Variants in SCML2 observed in about 807,000 individuals in gnomAD.
SCML2 encodes the protein sex comb on midleg-like protein 2.
SCML2 carries 6 observed loss-of-function variants against 48.4 expected under a neutral mutation model. That is an observed-to-expected ratio of 0.12 (90% confidence interval 0.07 to 0.24). The LOEUF is 0.24. Among genes scored for constraint, SCML2 ranks in the 10% least tolerant of loss-of-function variants. SCML2 has a pLI of 1.00. For missense variants in SCML2, 377 were observed against 528.2 expected, an observed-to-expected ratio of 0.71 and a Z score of 2.81; for synonymous variants, 181 against 189.5, an observed-to-expected ratio of 0.95 and a Z score of 0.37.
intron 7 of SCML2, among the ~76,000 whole-genome samples, chrX:18,275,382 C>A (rs755805081): frequency 8.9e-6 from 1 of 112,839 alleles, no homozygotes; most frequent in South Asian, 3.6e-4. Context: ...AACTATTACA[C>A]ATTCTTTGAA....
chrX:18,323,725 A>G (rs1230641198), intron 5 of SCML2, 134 bp downstream of exon 5: 1 of 491,861 alleles, frequency 2.0e-6, no homozygotes, highest in Non-Finnish European at 3.5e-6. Context: ...CTCATCATAC[A>G]TTCTCCACAG....
At chrX:18,316,517 T>C (rs780947253) in intron 6 of SCML2, among the ~76,000 whole-genome samples, 1 of 112,469 alleles carries the variant, frequency 8.9e-6, no homozygotes, top group Non-Finnish European at 1.9e-5. Context: ...AACAATGGGA[T>C]ACCATCCTCA....
intron 8 of SCML2, among the ~76,000 whole-genome samples, chrX:18,264,728 T>C (rs1388704486): frequency 2.7e-5 from 3 of 111,707 alleles, no homozygotes; most frequent in African/African-American, 9.8e-5. Flanking sequence ...AGTAATTACC[T>C]TGGCTGGACT....
At chrX:18,310,000 A>G (rs943650382) in intron 6 of SCML2, among the ~76,000 whole-genome samples, 1 of 111,894 alleles carries the variant, frequency 8.9e-6, no homozygotes, top group African/African-American at 3.3e-5. Context: ...ATATATACAC[A>G]GTGGAATATT....
intron 11 of SCML2, among the ~76,000 whole-genome samples, chrX:18,253,953 A>C (rs748554162): frequency 1.8e-5 from 2 of 111,972 alleles, no homozygotes; most frequent in South Asian, 7.5e-4. Context: ...AAATAGGCAA[A>C]AGTAATATAT....
intron 7 of SCML2, among the ~76,000 whole-genome samples, chrX:18,276,729 G>T (rs943073087): frequency 9.8e-5 from 11 of 111,744 alleles, no homozygotes; most frequent in African/African-American, 3.6e-4. Context: ...GACACAAAAG[G>T]TCACACCTTG....
intron 7 of SCML2, among the ~76,000 whole-genome samples, chrX:18,296,886 T>C (rs1197392965): frequency 1.8e-5 from 2 of 110,723 alleles, no homozygotes; most frequent in Admixed American, 9.6e-5. Context: ...AGAATTCTCC[T>C]TAACTCATTC....
intron 7 of SCML2, among the ~76,000 whole-genome samples, chrX:18,299,426 G>A (rs1928507144): frequency 9.0e-6 from 1 of 110,771 alleles, no homozygotes; most frequent in African/African-American, 3.3e-5. Context: ...GCTGAGGCAG[G>A]AGAACTGCTT....
At chrX:18,276,659 A>G (rs1204712192) in intron 7 of SCML2, among the ~76,000 whole-genome samples, 1 of 112,525 alleles carries the variant, frequency 8.9e-6, no homozygotes, top group Non-Finnish European at 1.9e-5. Flanking sequence ...ATAAAAAGGA[A>G]TGAAGTACTG....
chrX:18,317,353 G>A (rs1226456298), intron 6 of SCML2, among the ~76,000 whole-genome samples: 2 of 112,034 alleles, frequency 1.8e-5, no homozygotes, highest in African/African-American at 6.5e-5. Context: ...TTACAGTTAA[G>A]TCAATTCTAG....
intron 1 of SCML2, among the ~76,000 whole-genome samples, chrX:18,338,772 G>T (rs1929919234): frequency 9.2e-6 from 1 of 108,956 alleles, no homozygotes. Context: ...AAATTAGCTG[G>T]GTGTGGTGGC....
chrX:18,311,309 T>C (rs1045105121), intron 6 of SCML2, among the ~76,000 whole-genome samples: 1 of 111,738 alleles, frequency 8.9e-6, no homozygotes, highest in African/African-American at 3.3e-5. Flanking sequence ...ACAAAATCCC[T>C]CCCTCACAGC....
chrX:18,305,003 T>C lies in SCML2; in HGVS notation c.699A>G (p.Thr233=). 5 of 1,210,877 alleles carry C rather than the reference T, an allele frequency of 4.1e-6. No individual in the cohort carries two copies. Among genetic ancestry groups the C allele is most frequent in the Non-Finnish European group, 5.6e-6 (5 of 894,993 alleles). ...DIFPAGWCRL[T]GDVLQPPGTS... is the part of the protein sequence containing the mutation. ...TTCCTGGGGGTTGTAATACATCTCC[T>C]GTCAGGCGACACCACCCAGCTGGGA... Residue 233 remains threonine (T), a synonymous_variant, in exon 7 of 15, where the codon ACA becomes ACG. Transcript: ENST00000251900.
rs190103661 is a variant in SCML2 at position 18,256,212 on chromosome X, G to A, written c.1456+636C>T. ...ACACCTGTAAATCCCAGCACTTTGG[G>A]AGGCCAAGGCGGGAGGATCACTTAA... On this transcript the variant is annotated intron_variant, in intron 11 of 14. Transcript: ENST00000251900. Among the ~76,000 whole-genome samples the A allele has an allele frequency of 8.1e-5, 9 of 111,464 alleles. No individual in the cohort carries two copies. In the East Asian group the frequency reaches 2.0e-3, roughly 25 times the overall value.
intron 6 of SCML2, among the ~76,000 whole-genome samples, chrX:18,310,787 T>G (rs917283988): frequency 2.7e-5 from 3 of 110,163 alleles, no homozygotes; most frequent in Admixed American, 9.8e-5. Flanking sequence ...AATATGGTTC[T>G]CCTTAAAGGC....
intron 7 of SCML2, among the ~76,000 whole-genome samples, chrX:18,286,892 T>A (rs1004640266): frequency 1.2e-4 from 13 of 111,186 alleles, no homozygotes; most frequent in Non-Finnish European, 1.9e-4. Flanking sequence ...GCTGTTCCAG[T>A]TTTTATAAAA....
At chrX:18,295,188 C>A (rs1362343879) in intron 7 of SCML2, among the ~76,000 whole-genome samples, 1 of 112,099 alleles carries the variant, frequency 8.9e-6, no homozygotes, top group African/African-American at 3.2e-5. Flanking sequence ...CTCACCACTG[C>A]TGCTGCCACC....
Position 18,334,176 on chromosome X carries a change from T to C in SCML2, c.-24-81A>G, listed in dbSNP as rs1242762005. The C allele has an allele frequency of 2.4e-5, 15 of 633,067 alleles. No individual in the cohort carries two copies. In the South Asian group the frequency reaches 5.1e-4, roughly 22 times the overall value. The allele number at this position is 633,067 out of a possible 1,213,427, so 52.2% of individuals were successfully genotyped here. A position where few individuals can be genotyped will look rare whatever the true frequency, so the allele number is the denominator to read the frequency against. ...ATAAGAAGTCAGTTATAAGGCCAGATCAATTTAATCTGTTTCCCTTAAACA... is the reference window on the plus strand; with the variant it reads ...ATAAGAAGTCAGTTATAAGGCCAGACCAATTTAATCTGTTTCCCTTAAACA... On this transcript the variant is annotated intron_variant, in intron 1 of 14. Transcript: ENST00000251900.
intron 6 of SCML2, among the ~76,000 whole-genome samples, chrX:18,316,534 C>G (rs774979602): frequency 8.9e-6 from 1 of 112,436 alleles, no homozygotes; most frequent in South Asian, 3.7e-4. Flanking sequence ...CTCATCTTCA[C>G]CACTCCCTCC....
Sources: gnomAD v4.1 joint callset for allele counts (sites outside exome capture counted in the v4.1 genomes callset) on GRCh38, gnomAD v4.1.1 for gene constraint, MANE v1.5 for transcripts, NCBI Gene and HGNC (gene_info 2026-07-23, HGNC 2026-07-21) for gene names.